The following UPRT variants were observed in gnomAD, a reference collection of about 807,000 sequenced individuals.
UPRT encodes the protein RP11-311P8.3.
A neutral mutation model predicts 22.6 loss-of-function variants in UPRT; 5 were observed. The ratio of observed to expected loss-of-function variants is 0.22; its 90% CI spans 0.12 to 0.47. UPRT has a LOEUF of 0.47. Among genes scored for constraint, UPRT ranks in the 20% least tolerant of loss-of-function variants. The probability of loss-of-function intolerance (pLI) is 0.99; values close to 1 mark genes in which losing one functional copy is unlikely to be tolerated. For missense variants in UPRT, 181 were observed against 239.9 expected, an observed-to-expected ratio of 0.75 and a Z score of 1.62; for synonymous variants, 77 against 87.7, an observed-to-expected ratio of 0.88 and a Z score of 0.68.
At chrX:75,167,032 G>C (rs2082215046) in intron 3 of UPRT, among the ~76,000 whole-genome samples, 2 of 111,780 alleles carry the variant, frequency 1.8e-5, no homozygotes, top group African/African-American at 3.3e-5. Context: ...GGGTGTACAT[G>C]TGCATGCATT....
chrX:75,241,833 C>T (rs2082489570), intron 4 of UPRT, among the ~76,000 whole-genome samples: 1 of 111,006 alleles, frequency 9.0e-6, no homozygotes. Context: ...GAAATCCAAA[C>T]ATCATATATT....
At chrX:75,240,062 C>A (rs2082483459) in intron 4 of UPRT, among the ~76,000 whole-genome samples, 1 of 111,329 alleles carries the variant, frequency 9.0e-6, no homozygotes, top group South Asian at 3.8e-4. Flanking sequence ...ACTTTCACCA[C>A]TTCTATTCAA....
intron 4 of UPRT, among the ~76,000 whole-genome samples, chrX:75,195,848 A>G (rs1178541631): frequency 8.9e-6 from 1 of 112,031 alleles, no homozygotes; most frequent in Non-Finnish European, 1.9e-5. Context: ...TTGGTGCTAG[A>G]TGTTCCTCCT....
At chrX:75,188,634 T>C (rs2082303775) in intron 4 of UPRT, among the ~76,000 whole-genome samples, 1 of 112,612 alleles carries the variant, frequency 8.9e-6, no homozygotes, top group Admixed American at 9.3e-5. Context: ...CGCTGCCACC[T>C]TGAAGTTTGA....
rs184297181 is a variant in UPRT, at chrX:75,228,028, G to T, written c.-447+60149G>T. Among the ~76,000 whole-genome samples, 83 of 111,964 alleles carry T rather than the reference G, an allele frequency of 7.4e-4. 1 individual carries two copies. The highest frequency in any genetic ancestry group is 2.5e-3 in the East Asian group (9 of 3,563). ...AAGCTTTTTATCTGTTATAAGCTGGGTACCTCTGGAAACAGACTCTGTGAT... is the reference window on the plus strand; with the variant it reads ...AAGCTTTTTATCTGTTATAAGCTGGTTACCTCTGGAAACAGACTCTGTGAT... On this transcript the variant is annotated intron_variant, in intron 4 of 13. Coordinates refer to the UPRT transcript ENST00000652605.
At chrX:75,240,959 C>G (rs2082486455) in intron 4 of UPRT, among the ~76,000 whole-genome samples, 1 of 111,406 alleles carries the variant, frequency 9.0e-6, no homozygotes, top group South Asian at 3.7e-4. Context: ...AATCTAAGAC[C>G]TGACACCAAA....
intron 3 of UPRT, among the ~76,000 whole-genome samples, chrX:75,165,098 G>A (rs1161490853): frequency 3.7e-5 from 4 of 108,667 alleles, no homozygotes; most frequent in Non-Finnish European, 7.6e-5. Context: ...CAATAGCTGG[G>A]TATAATTTCT....
intron 1 of UPRT, among the ~76,000 whole-genome samples, chrX:75,292,724 A>G (rs1016446731): frequency 6.3e-5 from 7 of 111,251 alleles, no homozygotes; most frequent in African/African-American, 2.3e-4. Flanking sequence ...GAGGAACAAT[A>G]CTACATTTTT....
intron 4 of UPRT, among the ~76,000 whole-genome samples, chrX:75,196,637 A>T (rs1331993315): frequency 2.7e-5 from 3 of 112,094 alleles, no homozygotes; most frequent in Non-Finnish European, 5.6e-5. Flanking sequence ...ACTTGAGGCC[A>T]GGAGTTCAAG....
chrX:75,243,613 C>A (rs2082495126), intron 4 of UPRT, among the ~76,000 whole-genome samples: 1 of 111,480 alleles, frequency 9.0e-6, no homozygotes, highest in Non-Finnish European at 1.9e-5. Context: ...ATTAAACTGG[C>A]TGGATGAATA....
chrX:75,286,285 T>G (rs1312616558), intron 1 of UPRT, among the ~76,000 whole-genome samples: 1 of 84,701 alleles, frequency 1.2e-5, no homozygotes, highest in African/African-American at 4.7e-5. Context: ...TTTCATGGGA[T>G]TTCTGAAATA....
chrX:75,182,153 C>T (rs769483438), intron 4 of UPRT, among the ~76,000 whole-genome samples: 1 of 111,458 alleles, frequency 9.0e-6, no homozygotes, highest in African/African-American at 3.3e-5. Context: ...ATGATGAATC[C>T]CATTTATGGA....
At chrX:75,249,747 C>G (rs1246725364) in intron 4 of UPRT, among the ~76,000 whole-genome samples, 3 of 111,772 alleles carry the variant, frequency 2.7e-5, no homozygotes, top group African/African-American at 9.8e-5. Context: ...CCTAAATCAA[C>G]AGAATATACA....
intron 4 of UPRT, among the ~76,000 whole-genome samples, chrX:75,213,305 G>A (rs989084297): frequency 1.8e-4 from 20 of 112,059 alleles, no homozygotes; most frequent in African/African-American, 5.8e-4. Context: ...TTATATATGC[G>A]TGCATTTTGG....
At chrX:75,264,403 G>C (rs2082579662) in intron 4 of UPRT, among the ~76,000 whole-genome samples, 2 of 111,674 alleles carry the variant, frequency 1.8e-5, no homozygotes, top group African/African-American at 6.5e-5. Context: ...GAATCTGGGT[G>C]CTCCTGTATT....
intron 4 of UPRT, among the ~76,000 whole-genome samples, chrX:75,263,841 G>T (rs1321274575): frequency 1.4e-4 from 15 of 110,176 alleles, no homozygotes; most frequent in South Asian, 4.0e-4. Context: ...TCCTGCTTTC[G>T]CTTGTGGGCA....
intron 1 of UPRT, among the ~76,000 whole-genome samples, chrX:75,159,068 T>A (rs758598476): frequency 8.9e-6 from 1 of 112,011 alleles, no homozygotes; most frequent in Non-Finnish European, 1.9e-5. Flanking sequence ...TATTACTCCT[T>A]CTAACTACAT....
Position 75,249,291 on chromosome X carries a change from G to A in UPRT, c.-446-41733G>A, listed in dbSNP as rs183697213. ...ATTGGATAAAGAGTCAAGACCCATC[G>A]GTGTGCTGTATTCAGGAAACCCATC... On this transcript the variant is annotated intron_variant, in intron 4 of 13. Coordinates refer to the UPRT transcript ENST00000652605. 4.3e-3 allele frequency among the ~76,000 whole-genome samples: 478 copies of A among 110,983 alleles called. 3 individuals carry two copies. The highest frequency in any genetic ancestry group is 0.014 in the African/African-American group (440 of 30,552).
chrX:75,203,515 C>T (rs1260908186), intron 4 of UPRT, among the ~76,000 whole-genome samples: 14 of 88,277 alleles, frequency 1.6e-4, no homozygotes, highest in Non-Finnish European at 1.1e-4. Context: ...CACACACACA[C>T]TCACACACAC....
Sources: allele counts gnomAD v4.1 joint callset (sites outside exome capture counted in the v4.1 genomes callset), GRCh38; gene constraint gnomAD v4.1.1; transcripts MANE v1.5; gene names NCBI Gene and HGNC (gene_info 2026-07-23, HGNC 2026-07-21).